Variants in CCDC50 observed in about 807,000 individuals in gnomAD.
The protein encoded by CCDC50 is coiled-coil domain containing 50, also known as coiled-coil domain-containing protein 50.
Under a neutral mutation model 70.2 loss-of-function variants are expected in CCDC50, and 54 were observed. That is an observed-to-expected ratio of 0.77 (90% CI 0.62 to 0.96). The LOEUF (loss-of-function observed/expected upper bound fraction) is 0.96. Among genes scored for constraint, CCDC50 ranks in the 50% least tolerant of loss-of-function variants. The probability of loss-of-function intolerance (pLI) is 0.00; values close to 1 mark genes in which losing one functional copy is unlikely to be tolerated. For synonymous variants in CCDC50, 216 were observed against 198.8 expected (o/e 1.09, Z -0.73); for missense variants, 558 against 578.7 (o/e 0.96, Z 0.37).
rs766922264 is a variant in CCDC50, at chr3:191,396,558, T to A, written c.*4798T>A. On this transcript the variant is annotated 3_prime_UTR_variant, in exon 12 of 12. Coordinates refer to ENST00000392455, the MANE Select transcript of CCDC50 (RefSeq NM_178335.3). ...TTCTATGGTGACTACATAGAAGATA[T>A]TTCCAAAGGTTCTGTTATGCAGTGA... 2.0e-5 allele frequency: 3 copies of A among 152,166 alleles called. No individual in the cohort carries two copies. The highest frequency in any genetic ancestry group is 6.5e-5 in the Admixed American group (1 of 15,272). The allele number at this position is 152,166 out of a possible 1,614,324, so 9.4% of individuals were successfully genotyped here. A position where few individuals can be genotyped will look rare whatever the true frequency, so the allele number is the denominator to read the frequency against.
chr3:191,330,183 C>T (rs1367818890), intron 1 of CCDC50, among the ~76,000 whole-genome samples: 6 of 152,102 alleles, frequency 3.9e-5, no homozygotes, highest in Non-Finnish European at 5.9e-5. Context: ...CCTACTTTTC[C>T]TAGGCCGGCG....
At chr3:191,366,577 A>C (rs551469322) in intron 4 of CCDC50, among the ~76,000 whole-genome samples, 1 of 152,316 alleles carries the variant, frequency 6.6e-6, no homozygotes, top group East Asian at 1.9e-4. Flanking sequence ...TTGTTTTCCC[A>C]AGTTATGTAG....
At chr3:191,371,671 A>G (rs915126267) in intron 5 of CCDC50, among the ~76,000 whole-genome samples, 9 of 152,224 alleles carry the variant, frequency 5.9e-5, no homozygotes, top group Non-Finnish European at 1.2e-4. Flanking sequence ...ATTTACCATA[A>G]TCAGTAGAGC....
intron 1 of CCDC50, among the ~76,000 whole-genome samples, chr3:191,333,809 C>A (rs1295293835): frequency 2.0e-5 from 3 of 151,994 alleles, no homozygotes; most frequent in Admixed American, 6.6e-5. Flanking sequence ...GAGATAATAC[C>A]TTTTAAACTG....
intron 4 of CCDC50, among the ~76,000 whole-genome samples, chr3:191,364,844 A>G (rs912549189): frequency 2.0e-5 from 3 of 151,228 alleles, no homozygotes; most frequent in African/African-American, 7.3e-5. Context: ...CCTCTTCTTC[A>G]CTTTCTTGCT....
At chr3:191,344,781 G>C (rs1369475975) in intron 1 of CCDC50, among the ~76,000 whole-genome samples, 1 of 152,262 alleles carries the variant, frequency 6.6e-6, no homozygotes, top group South Asian at 2.1e-4. Context: ...ATTTCACTCT[G>C]TTGCCCAGGC....
Position 191,338,295 on chromosome 3 carries a change from A to G in CCDC50, c.49+8572A>G, listed in dbSNP as rs530393143. Among the ~76,000 whole-genome samples, 13 of 152,288 alleles carry G rather than the reference A, an allele frequency of 8.5e-5. No homozygotes were observed. The South Asian group carries it at 2.3e-3, about 27-fold the overall frequency. ...TGAAAATATTAGGTTTTTCTTTTAT[A>G]TTATGAAGGTCTGTGTAAATATCGA... On this transcript the variant is annotated intron_variant, in intron 1 of 11. Coordinates refer to ENST00000392455, the MANE Select transcript of CCDC50 (RefSeq NM_178335.3).
intron 4 of CCDC50, among the ~76,000 whole-genome samples, chr3:191,362,187 G>A (rs1230009531): frequency 6.6e-6 from 1 of 152,078 alleles, no homozygotes; most frequent in Non-Finnish European, 1.5e-5. Context: ...GAGTGCAGTG[G>A]TGTGATCTTA....
intron 7 of CCDC50, 42 bp from the exon 8 acceptor site, chr3:191,380,645 A>G (rs1218388604): frequency 6.3e-7 from 1 of 1,577,928 alleles, no homozygotes; most frequent in Non-Finnish European, 8.7e-7. Context: ...CACAACATAG[A>G]TTCCAATTAA....
chr3:191,365,005 G>T (rs1712631400), intron 4 of CCDC50, among the ~76,000 whole-genome samples: 1 of 152,056 alleles, frequency 6.6e-6, no homozygotes, highest in South Asian at 2.1e-4. Flanking sequence ...TAATAAAAAT[G>T]GGTTAAGGTT....
chr3:191,392,500 C>G lies in CCDC50; in HGVS notation c.*740C>G, dbSNP rs960810884. On this transcript the variant is annotated 3_prime_UTR_variant, in exon 12 of 12. Transcript: ENST00000392455. ...ATATATGAAAAACTTTGTATTCCATCTCTTCTTTTTCATTTACTTGTAGAG... is the reference window on the plus strand; with the variant it reads ...ATATATGAAAAACTTTGTATTCCATGTCTTCTTTTTCATTTACTTGTAGAG... The G allele has an allele frequency of 1.3e-5, 2 of 152,178 alleles. No homozygotes were observed. Among genetic ancestry groups the G allele is most frequent in the Non-Finnish European group, 2.9e-5 (2 of 68,038 alleles). The allele number at this position is 152,178 out of a possible 1,614,324, so 9.4% of individuals were successfully genotyped here.
chr3:191,375,024 T>C, intron 5 of CCDC50, 38 bp from the exon 6 acceptor site: 2 of 1,604,400 alleles, frequency 1.2e-6, no homozygotes, highest in Non-Finnish European at 1.7e-6. Flanking sequence ...TAAATTAATC[T>C]GCATTTTTAT....
chr3:191,351,351 ACAT>A (rs375216055), intron 1 of CCDC50, among the ~76,000 whole-genome samples: 2,450 of 142,012 alleles, frequency 0.017, 278 homozygotes, highest in African/African-American at 0.057. Flanking sequence ...ATTTTAAGAG[ACAT>A]TCAAATCAAT....
Position 191,357,995 on chromosome 3 carries a change from C to T in CCDC50, c.113-3C>T. 3 of 1,613,824 alleles carry T rather than the reference C, an allele frequency of 1.9e-6. No individual in the cohort carries two copies. In the South Asian group the frequency reaches 3.3e-5, roughly 18 times the overall value. ...ATTCCTGTCCTCAATCTTTTTGTTC[C>T]AGTTGAGCATCATTTGGCATCGAAC... On this transcript the variant is annotated splice_polypyrimidine_tract_variant and splice_region_variant and intron_variant, in intron 2 of 11. Transcript: ENST00000392455.
rs1287837399 is a variant in CCDC50 at position 191,395,528 on chromosome 3, T to C, written c.*3768T>C. Reference sequence around the variant, plus strand: ...ATTCAGTGATTATTTTCTTGAAAGATAACTATGATGATTGGCTGTAAAATC... The same window carrying C: ...ATTCAGTGATTATTTTCTTGAAAGACAACTATGATGATTGGCTGTAAAATC... On this transcript the variant is annotated 3_prime_UTR_variant, in exon 12 of 12. Transcript: ENST00000392455. 1 of 152,176 alleles carries C rather than the reference T, an allele frequency of 6.6e-6. No homozygotes were observed. The highest frequency in any genetic ancestry group is 1.5e-5 in the Non-Finnish European group (1 of 68,002). The allele number at this position is 152,176 out of a possible 1,614,324, so 9.4% of individuals were successfully genotyped here.
At chr3:191,335,689 AC>A (rs1410094333) in intron 1 of CCDC50, among the ~76,000 whole-genome samples, 1 of 152,210 alleles carries the variant, frequency 6.6e-6, no homozygotes, top group Non-Finnish European at 1.5e-5. Flanking sequence ...AGGAAAAAAA[AC>A]AAAGCAGTAA....
chr3:191,384,986 A>G (rs1181512488), intron 10 of CCDC50, among the ~76,000 whole-genome samples: 1 of 152,162 alleles, frequency 6.6e-6, no homozygotes, highest in African/African-American at 2.4e-5. Context: ...GTTGCAGCAA[A>G]TGATATGATT....
chr3:191,329,601 G>A lies in CCDC50; in HGVS notation c.-74G>A. 6.6e-7 allele frequency: 1 copy of A among 1,512,158 alleles called. No homozygotes were observed. Among genetic ancestry groups the A allele is most frequent in the South Asian group, 1.2e-5 (1 of 83,140 alleles). The allele number at this position is 1,512,158 out of a possible 1,614,324, so 93.7% of individuals were successfully genotyped here. On this transcript the variant is annotated 5_prime_UTR_variant, in exon 1 of 12. Transcript: ENST00000392455. ...GCGCCGCGTCCGGCGCTGCTGCTGC[G>A]CTCGGGGCCCCGCTCGGCGCCGGCG...
intron 1 of CCDC50, among the ~76,000 whole-genome samples, chr3:191,350,540 G>A (rs982823952): frequency 7.0e-6 from 1 of 142,080 alleles, no homozygotes; most frequent in Non-Finnish European, 1.6e-5. Context: ...GAAAGTCTTA[G>A]GATGTAGGTA....
Sources: gnomAD v4.1 joint callset for allele counts (sites outside exome capture counted in the v4.1 genomes callset) on GRCh38, gnomAD v4.1.1 for gene constraint, MANE v1.5 for transcripts, NCBI Gene and HGNC (gene_info 2026-07-23, HGNC 2026-07-21) for gene names.